The following CFDP1 variants were observed in gnomAD, a reference collection of about 807,000 sequenced individuals.
CFDP1 encodes heterochromatin-stabilizing protein CFDP1.
In CFDP1, 31 loss-of-function variants were observed where a neutral mutation model predicts 40.1. That is an observed-to-expected ratio of 0.77 (90% CI 0.58 to 1.04). The LOEUF (loss-of-function observed/expected upper bound fraction) is 1.04. Ranked by LOEUF, CFDP1 falls within the 50% of genes least tolerant of loss-of-function variation. The probability of loss-of-function intolerance (pLI) is 0.00; values close to 1 mark genes in which losing one functional copy is unlikely to be tolerated. For missense variants in CFDP1, 423 were observed against 343.4 expected, an observed-to-expected ratio of 1.23 and a Z score of -1.83; for synonymous variants, 167 against 120.0, an observed-to-expected ratio of 1.39 and a Z score of -2.56.
intron 6 of CFDP1, among the ~76,000 whole-genome samples, chr16:75,299,871 A>G (rs1000341631): frequency 6.6e-6 from 1 of 151,970 alleles, no homozygotes; most frequent in African/African-American, 2.4e-5. Flanking sequence ...GGGTGGGGGT[A>G]CTCTAGAGTG....
chr16:75,394,088 A>G (rs1198357430), intron 5 of CFDP1, among the ~76,000 whole-genome samples: 2 of 152,180 alleles, frequency 1.3e-5, no homozygotes, highest in Non-Finnish European at 2.9e-5. Flanking sequence ...TTTACTGCTC[A>G]TAGCAATGAC....
intron 5 of CFDP1, 43 bp downstream of exon 5, chr16:75,395,047 C>G (rs746261004): frequency 6.2e-7 from 1 of 1,610,208 alleles, no homozygotes; most frequent in South Asian, 1.1e-5. Flanking sequence ...GAAAGCTTCT[C>G]CAACGTGCCA....
intron 4 of CFDP1, among the ~76,000 whole-genome samples, chr16:75,402,859 G>A (rs546619733): frequency 2.0e-5 from 3 of 152,090 alleles, no homozygotes; most frequent in Admixed American, 2.0e-4. Flanking sequence ...TATTAACAGG[G>A]TTTTTGTTTT....
intron 4 of CFDP1, among the ~76,000 whole-genome samples, chr16:75,404,676 T>C (rs540114511): frequency 1.3e-5 from 2 of 151,950 alleles, no homozygotes; most frequent in African/African-American, 2.4e-5. Context: ...TTGAGGGACA[T>C]TATGCAATAC....
At chr16:75,407,618 T>G (rs528319007) in intron 4 of CFDP1, among the ~76,000 whole-genome samples, 1 of 140,932 alleles carries the variant, frequency 7.1e-6, no homozygotes, top group South Asian at 2.2e-4. Context: ...GTAGGTTGGT[T>G]GAGGCTAGCG....
chr16:75,403,137 T>C (rs1037517726), intron 4 of CFDP1, among the ~76,000 whole-genome samples: 1 of 152,214 alleles, frequency 6.6e-6, no homozygotes, highest in Non-Finnish European at 1.5e-5. Context: ...CATCCACTTG[T>C]TTTCAAAAAT....
intron 2 of CFDP1, 136 bp from the exon 3 acceptor site, chr16:75,412,890 G>A: frequency 1.8e-6 from 1 of 550,772 alleles, no homozygotes; most frequent in Non-Finnish European, 3.1e-6. Flanking sequence ...ATACTGAAGT[G>A]AGTAGAAGAG....
In CFDP1 at chr16:75,395,173, G is replaced by C. The variant is rs763096782; in HGVS notation, c.567C>G (p.Ala189=). Residue 189 remains alanine, a synonymous_variant, in exon 5 of 7, where the codon GCC becomes GCG. Transcript: ENST00000283882. Reference sequence around the variant, plus strand: ...TCTCATTCTGCTTGAAGAAGGATTTGGCCTCTTTAGATGTAGCATCCACTT... The same window carrying C: ...TCTCATTCTGCTTGAAGAAGGATTTCGCCTCTTTAGATGTAGCATCCACTT... ...TKEVDATSKE[A]KSFFKQNEKE... 1.2e-6 allele frequency: 2 copies of C among 1,613,238 alleles called. No homozygotes were observed. Among genetic ancestry groups the C allele is most frequent in the South Asian group, 1.1e-5 (1 of 91,050 alleles).
chr16:75,396,838 T>C (rs1419214637), intron 4 of CFDP1, among the ~76,000 whole-genome samples: 1 of 152,086 alleles, frequency 6.6e-6, no homozygotes, highest in Non-Finnish European at 1.5e-5. Flanking sequence ...GAATTTTGTT[T>C]AAATGCAGTC....
At chr16:75,385,066 G>A (rs2078884333) in intron 5 of CFDP1, among the ~76,000 whole-genome samples, 1 of 151,070 alleles carries the variant, frequency 6.6e-6, no homozygotes, top group Admixed American at 6.6e-5. Context: ...TGCAGGTACA[G>A]AGTAAATAGA....
intron 5 of CFDP1, among the ~76,000 whole-genome samples, chr16:75,378,091 C>G (rs1167463162): frequency 6.6e-6 from 1 of 152,168 alleles, no homozygotes; most frequent in Non-Finnish European, 1.5e-5. Context: ...ATACCATGTG[C>G]TTCCTTTCTG....
chr16:75,323,535 C>T (rs2078380838), intron 5 of CFDP1, among the ~76,000 whole-genome samples: 1 of 151,754 alleles, frequency 6.6e-6, no homozygotes, highest in South Asian at 2.1e-4. Flanking sequence ...AATCCCAGCA[C>T]TTGTGAAGGC....
chr16:75,433,394 C>A lies in CFDP1; in HGVS notation c.-42G>T, dbSNP rs1343055946. The A allele has an allele frequency of 4.5e-6, 7 of 1,552,354 alleles. No individual in the cohort carries two copies. The highest frequency in any genetic ancestry group is 2.4e-5 in the East Asian group (1 of 42,090). The stretch of plus-strand genomic sequence containing the variant: ...GCTGGTCAAACTCACAAGACCGCAG[C>A]AGCCGCCTCCAACGGCAAAGCTCTA... On this transcript the variant is annotated 5_prime_UTR_variant, in exon 1 of 7. Transcript: ENST00000283882.
chr16:75,386,964 T>A (rs1597373365), intron 5 of CFDP1, among the ~76,000 whole-genome samples: 1 of 152,190 alleles, frequency 6.6e-6, no homozygotes, highest in East Asian at 1.9e-4. Context: ...CAAGGGAAAA[T>A]CTTTTAAAAA....
At chr16:75,379,906 G>C (rs1334095747) in intron 5 of CFDP1, 1 of 152,174 alleles carries the variant, frequency 6.6e-6, no homozygotes, top group Non-Finnish European at 1.5e-5. Flanking sequence ...GGGAGGCCGA[G>C]ATGGGCATAT....
intron 5 of CFDP1, among the ~76,000 whole-genome samples, chr16:75,334,199 CACCCTA>C (rs371461725): frequency 0.011 from 1,650 of 149,666 alleles, 13 homozygotes; most frequent in Non-Finnish European, 0.015. Flanking sequence ...CTCCTCGCAG[CACCCTA>C]ACCCTAACCC....
rs192489570 is a variant in CFDP1 at position 75,354,901 on chromosome 16, G to T, written c.650+40189C>A. Among the ~76,000 whole-genome samples, 1,113 of 152,262 alleles carry T rather than the reference G, an allele frequency of 7.3e-3. 9 individuals carry two copies. Among genetic ancestry groups the T allele is most frequent in the Non-Finnish European group, 0.012 (811 of 68,030 alleles). ...TAAGATGTTAACATCAGAGAAAGCT[G>T]GGTGACACATGCAGGGACACCTAGG... On this transcript the variant is annotated intron_variant, in intron 5 of 6. Coordinates refer to ENST00000283882, the MANE Select transcript of CFDP1 (RefSeq NM_006324.3).
intron 5 of CFDP1, among the ~76,000 whole-genome samples, chr16:75,327,914 G>C (rs2078414869): frequency 6.6e-6 from 1 of 152,026 alleles, no homozygotes; most frequent in Admixed American, 6.6e-5. Flanking sequence ...ATTTTTAGTA[G>C]AGATGGGGCG....
chr16:75,356,409 T>C (rs192547911), intron 5 of CFDP1, among the ~76,000 whole-genome samples: 1 of 152,360 alleles, frequency 6.6e-6, no homozygotes, highest in East Asian at 1.9e-4. Context: ...AGTAACATTT[T>C]GAAAGGAATC....
Sources: allele counts gnomAD v4.1 joint callset (sites outside exome capture counted in the v4.1 genomes callset), GRCh38; gene constraint gnomAD v4.1.1; transcripts MANE v1.5; gene names NCBI Gene and HGNC (gene_info 2026-07-23, HGNC 2026-07-21).